DAB1: variants seen among roughly 807,000 people sequenced by gnomAD.
The protein encoded by DAB1 is disabled homolog 1.
In DAB1, 15 loss-of-function variants were observed where a neutral mutation model predicts 64.6. That is an observed-to-expected ratio of 0.23 (90% CI 0.16 to 0.36). The LOEUF (loss-of-function observed/expected upper bound fraction) is 0.36. Among genes scored for constraint, DAB1 ranks in the 10% least tolerant of loss-of-function variants. The pLI, the probability that DAB1 is intolerant of heterozygous loss-of-function variation, is 1.00. For synonymous variants in DAB1, 235 were observed against 251.9 expected, an observed-to-expected ratio of 0.93 and a Z score of 0.64; for missense variants, 596 against 706.7, an observed-to-expected ratio of 0.84 and a Z score of 1.78.
At chr1:58,431,362 ATC>A (rs1262207924) in intron 3 of DAB1, among the ~76,000 whole-genome samples, 1 of 152,144 alleles carries the variant, frequency 6.6e-6, no homozygotes, top group Non-Finnish European at 1.5e-5. Context: ...GATTGAGACC[ATC>A]CTGGCCAACA....
chr1:58,155,546 A>G (rs1014220130), intron 4 of DAB1, among the ~76,000 whole-genome samples: 1 of 152,204 alleles, frequency 6.6e-6, no homozygotes, highest in African/African-American at 2.4e-5. Context: ...AGCACCCCCT[A>G]TTGGCAGAGC....
intron 9 of DAB1, among the ~76,000 whole-genome samples, chr1:57,031,998 T>C (rs1311820808): frequency 6.6e-6 from 1 of 152,172 alleles, no homozygotes; most frequent in Non-Finnish European, 1.5e-5. Flanking sequence ...TCCCCCAGTA[T>C]CTCCATCAGG....
At chr1:57,623,735 TC>T (rs1645889449) in intron 7 of DAB1, among the ~76,000 whole-genome samples, 1 of 152,154 alleles carries the variant, frequency 6.6e-6, no homozygotes, top group South Asian at 2.1e-4. Flanking sequence ...AATTTGAACG[TC>T]CCTAGGCTGG....
At chr1:57,769,674 A>G (rs1649471315) in intron 6 of DAB1, among the ~76,000 whole-genome samples, 1 of 152,026 alleles carries the variant, frequency 6.6e-6, no homozygotes, top group African/African-American at 2.4e-5. Context: ...CTGAGTTGGG[A>G]CTCTATTCTC....
At chr1:57,330,900 T>C (rs1040443320) in intron 1 of DAB1, among the ~76,000 whole-genome samples, 12 of 151,974 alleles carry the variant, frequency 7.9e-5, no homozygotes, top group African/African-American at 2.9e-4. Context: ...TACCCTTCCC[T>C]CTCCTCTTCC....
chr1:57,190,569 G>A (rs2101001200), intron 2 of DAB1, among the ~76,000 whole-genome samples: 1 of 152,254 alleles, frequency 6.6e-6, no homozygotes, highest in Admixed American at 6.5e-5. Context: ...AGGAAGATCT[G>A]CTGTCTCCAG....
At chr1:57,911,652 C>T (rs1428024948) in intron 5 of DAB1, among the ~76,000 whole-genome samples, 2 of 152,222 alleles carry the variant, frequency 1.3e-5, no homozygotes, top group Non-Finnish European at 1.5e-5. Context: ...CCTCAGACGT[C>T]ATGGCTCATG....
chr1:57,827,679 C>T (rs904331927), intron 1 of DAB1, among the ~76,000 whole-genome samples: 3 of 152,100 alleles, frequency 2.0e-5, no homozygotes, highest in Non-Finnish European at 2.9e-5. Flanking sequence ...ATTTCAAGGT[C>T]CAGTTAAAGA....
chr1:58,245,581 A>G (rs904763811), intron 4 of DAB1, among the ~76,000 whole-genome samples: 8 of 152,180 alleles, frequency 5.3e-5, no homozygotes, highest in Admixed American at 2.6e-4. Flanking sequence ...AGTGGAAAAA[A>G]GAGAGGCAAC....
intron 7 of DAB1, among the ~76,000 whole-genome samples, chr1:57,491,961 G>A (rs568848208): frequency 2.0e-5 from 3 of 152,286 alleles, no homozygotes; most frequent in Non-Finnish European, 4.4e-5. Context: ...GACAGCAAAG[G>A]CTCAGAGGCT....
chr1:58,417,978 C>T (rs1239640430), intron 3 of DAB1, among the ~76,000 whole-genome samples: 1 of 152,176 alleles, frequency 6.6e-6, no homozygotes. Flanking sequence ...GGGCTGGACC[C>T]CACCTAGAAA....
At chr1:58,069,654 A>G (rs1185296896) in intron 5 of DAB1, among the ~76,000 whole-genome samples, 1 of 152,146 alleles carries the variant, frequency 6.6e-6, no homozygotes, top group African/African-American at 2.4e-5. Context: ...TCAGCACAAC[A>G]CACCTAATAT....
chr1:58,462,339 G>A (rs1645252454), intron 3 of DAB1, among the ~76,000 whole-genome samples: 1 of 151,936 alleles, frequency 6.6e-6, no homozygotes, highest in African/African-American at 2.4e-5. Flanking sequence ...TGTTAGCCAG[G>A]ATGGTCTCGA....
intron 2 of DAB1, among the ~76,000 whole-genome samples, chr1:57,170,494 A>T (rs1857742): frequency 0.27 from 41,526 of 152,072 alleles, 9,039 homozygotes; most frequent in African/African-American, 0.61. Flanking sequence ...CATATTCACA[A>T]ACACATTGCA....
intron 7 of DAB1, among the ~76,000 whole-genome samples, chr1:57,531,514 A>G (rs1414987257): frequency 1.3e-5 from 2 of 152,342 alleles, no homozygotes; most frequent in Non-Finnish European, 2.9e-5. Flanking sequence ...ATTCTTGGCC[A>G]AAAGAAGCTC....
chr1:57,626,682 C>A (rs1359559495), intron 7 of DAB1, among the ~76,000 whole-genome samples: 4 of 152,180 alleles, frequency 2.6e-5, no homozygotes, highest in Non-Finnish European at 1.5e-5. Flanking sequence ...GAGGCTCCAG[C>A]AGATTGGGTG....
chr1:57,042,712 T>C (rs1399425664), intron 9 of DAB1, among the ~76,000 whole-genome samples: 1 of 152,196 alleles, frequency 6.6e-6, no homozygotes, highest in Non-Finnish European at 1.5e-5. Context: ...TGAACTTCTT[T>C]ATATAATACA....
intron 2 of DAB1, among the ~76,000 whole-genome samples, chr1:57,252,557 T>C (rs747647967): frequency 1.8e-4 from 27 of 152,234 alleles, no homozygotes; most frequent in Admixed American, 3.9e-4. Flanking sequence ...CAACAAACAG[T>C]TAATTTGTAC....
intron 2 of DAB1, among the ~76,000 whole-genome samples, chr1:57,183,460 T>C (rs1420410193): frequency 6.6e-6 from 1 of 151,998 alleles, no homozygotes; most frequent in Non-Finnish European, 1.5e-5. Flanking sequence ...GTTGAGAAAA[T>C]GCATGTGGTT....
Sources: gnomAD v4.1 joint callset for allele counts (sites outside exome capture counted in the v4.1 genomes callset) on GRCh38, gnomAD v4.1.1 for gene constraint, MANE v1.5 for transcripts, NCBI Gene and HGNC (gene_info 2026-07-23, HGNC 2026-07-21) for gene names.